CSMD1: variants seen among roughly 807,000 people sequenced by gnomAD.
CSMD1 encodes the protein CUB and sushi domain-containing protein 1.
Under a neutral mutation model 417.5 loss-of-function variants are expected in CSMD1, and 213 were observed. The ratio of observed to expected loss-of-function variants is 0.51; its 90% confidence interval spans 0.46 to 0.57. The LOEUF (loss-of-function observed/expected upper bound fraction) is 0.57, where lower values mean the gene tolerates loss of function less well. Ranked by LOEUF, CSMD1 falls within the 20% of genes least tolerant of loss-of-function variation. The pLI, the probability that CSMD1 is intolerant of heterozygous loss-of-function variation, is 0.00. For synonymous variants in CSMD1, 2,862 were observed against 1,736.8 expected (o/e 1.65, Z -16.11); for missense variants, 6,923 against 4,529.7 (o/e 1.53, Z -15.17).
At chr8:4,307,804 C>G (rs759891107) in intron 3 of CSMD1, among the ~76,000 whole-genome samples, 1 of 152,146 alleles carries the variant, frequency 6.6e-6, no homozygotes, top group African/African-American at 2.4e-5. Flanking sequence ...CTCTACACTA[C>G]AGTCTGAAAA....
intron 3 of CSMD1, among the ~76,000 whole-genome samples, chr8:4,153,640 G>A (rs1003708113): frequency 6.6e-6 from 1 of 152,168 alleles, no homozygotes; most frequent in Non-Finnish European, 1.5e-5. Context: ...TTGCAAGGCA[G>A]CTGACATCCT....
chr8:3,211,548 G>C (rs963751396), intron 30 of CSMD1, among the ~76,000 whole-genome samples: 1 of 152,206 alleles, frequency 6.6e-6, no homozygotes, highest in Non-Finnish European at 1.5e-5. Context: ...GTTACATACA[G>C]AATTAAGATT....
rs1020112484 is a variant in CSMD1 at position 4,367,640 on chromosome 8, A to G, written c.415+52313T>C. ...TTTGATATTAATATTGAATCTGTAAATTGCTTTGGGTGGTATGATGATTTT... is the reference window on the plus strand; with the variant it reads ...TTTGATATTAATATTGAATCTGTAAGTTGCTTTGGGTGGTATGATGATTTT... On this transcript the variant is annotated intron_variant, in intron 3 of 69. Transcript: ENST00000635120. 1.2e-4 allele frequency among the ~76,000 whole-genome samples: 18 copies of G among 152,040 alleles called. 1 individual carries two copies. Among genetic ancestry groups the G allele is most frequent in the Admixed American group, 1.2e-3 (18 of 15,248 alleles).
chr8:4,232,831 C>A lies in CSMD1; in HGVS notation c.415+187122G>T, dbSNP rs1700044. ...CTCGAAATCTAAAAGACAAACATTA[C>A]TTTATTTATTTATTTATATATTTAT... On this transcript the variant is annotated intron_variant, in intron 3 of 69. Transcript: ENST00000635120. Among the ~76,000 whole-genome samples, 13 of 152,260 alleles carry A rather than the reference C, an allele frequency of 8.5e-5. No individual in the cohort carries two copies. The East Asian group carries it at 2.5e-3, about 29-fold the overall frequency.
intron 2 of CSMD1, among the ~76,000 whole-genome samples, chr8:4,453,401 G>A (rs968470986): frequency 1.3e-5 from 2 of 152,194 alleles, no homozygotes; most frequent in Non-Finnish European, 2.9e-5. Context: ...GCTGAAGTCA[G>A]GAGATTCCCA....
chr8:3,415,358 T>C (rs117455014), intron 12 of CSMD1, among the ~76,000 whole-genome samples: 1,985 of 150,608 alleles, frequency 0.013, 46 homozygotes, highest in East Asian at 0.096. Context: ...CTTATTTACA[T>C]GTTGCATTTA....
chr8:4,435,985 TCA>T (rs1263500833), intron 2 of CSMD1, among the ~76,000 whole-genome samples: 11 of 152,184 alleles, frequency 7.2e-5, no homozygotes, highest in Non-Finnish European at 1.3e-4. Flanking sequence ...TACTTTTCTG[TCA>T]CAAACATATT....
At chr8:4,868,181 C>T (rs540534311) in intron 1 of CSMD1, among the ~76,000 whole-genome samples, 1 of 152,046 alleles carries the variant, frequency 6.6e-6, no homozygotes, top group Non-Finnish European at 1.5e-5. Context: ...TTTACATATG[C>T]AAACTGTTTA....
In CSMD1 at chr8:4,663,470, G is replaced by A. The variant is rs537302327; in HGVS notation, c.86-25912C>T. Among the ~76,000 whole-genome samples, 4 of 152,266 alleles carry A rather than the reference G, an allele frequency of 2.6e-5. No individual in the cohort carries two copies. In the East Asian group the frequency reaches 7.8e-4, roughly 30 times the overall value. ...ACCCTGAATATTGGAGGAGGGGCCT[G>A]GTGGGAGGTGATTGAATCATGGGCA... On this transcript the variant is annotated intron_variant, in intron 1 of 69. Transcript: ENST00000635120.
chr8:4,326,518 G>T (rs551104296), intron 3 of CSMD1, among the ~76,000 whole-genome samples: 1 of 152,182 alleles, frequency 6.6e-6, no homozygotes, highest in African/African-American at 2.4e-5. Flanking sequence ...TAAACGAGAG[G>T]TAGTGCATAA....
At chr8:4,934,893 A>G (rs1563807016) in intron 1 of CSMD1, among the ~76,000 whole-genome samples, 1 of 152,176 alleles carries the variant, frequency 6.6e-6, no homozygotes, top group African/African-American at 2.4e-5. Context: ...ATCTGTATCT[A>G]TCATCTACCT....
At chr8:3,799,129 T>G (rs1157649979) in intron 5 of CSMD1, among the ~76,000 whole-genome samples, 1 of 152,134 alleles carries the variant, frequency 6.6e-6, no homozygotes, top group Non-Finnish European at 1.5e-5. Context: ...AGTTTAATAG[T>G]TTTATTTAAC....
chr8:4,797,901 T>A (rs187125296), intron 1 of CSMD1, among the ~76,000 whole-genome samples: 3 of 152,206 alleles, frequency 2.0e-5, no homozygotes, highest in African/African-American at 7.2e-5. Flanking sequence ...ACTTATAAAA[T>A]TCCACAGAAG....
intron 5 of CSMD1, among the ~76,000 whole-genome samples, chr8:3,976,371 G>C (rs1202024236): frequency 6.6e-6 from 1 of 152,150 alleles, no homozygotes; most frequent in South Asian, 2.1e-4. Context: ...CGTTGATGAA[G>C]ATTCCTGAAC....
intron 1 of CSMD1, among the ~76,000 whole-genome samples, chr8:4,768,931 C>T (rs1479028713): frequency 6.6e-6 from 1 of 152,178 alleles, no homozygotes; most frequent in Non-Finnish European, 1.5e-5. Context: ...ATTGATTCCT[C>T]ACCATTTACC....
intron 8 of CSMD1, among the ~76,000 whole-genome samples, chr8:3,595,580 A>G (rs1469665221): frequency 6.6e-6 from 1 of 152,166 alleles, no homozygotes; most frequent in Admixed American, 6.5e-5. Context: ...TCCCTTAATG[A>G]CAATCAAAAT....
intron 1 of CSMD1, among the ~76,000 whole-genome samples, chr8:4,837,799 G>C (rs1462524067): frequency 6.6e-6 from 1 of 151,996 alleles, no homozygotes; most frequent in Non-Finnish European, 1.5e-5. Flanking sequence ...GGCTGGGATG[G>C]ATATATCGTT....
intron 2 of CSMD1, among the ~76,000 whole-genome samples, chr8:4,589,975 G>A (rs1216721369): frequency 6.6e-6 from 1 of 152,212 alleles, no homozygotes; most frequent in African/African-American, 2.4e-5. Context: ...GGCTAAGCAA[G>A]TGCTTAAGAT....
chr8:3,305,670 ACTTACTAAGTCTGTAAT>A (rs1804779732), intron 25 of CSMD1, among the ~76,000 whole-genome samples: 2 of 152,072 alleles, frequency 1.3e-5, no homozygotes, highest in Non-Finnish European at 2.9e-5. Context: ...AAACTTCTTA[ACTTACTAAGTCTGTAAT>A]ATTCTTTTTC....
Sources: gnomAD v4.1 joint callset for allele counts (sites outside exome capture counted in the v4.1 genomes callset) on GRCh38, gnomAD v4.1.1 for gene constraint, MANE v1.5 for transcripts, NCBI Gene and HGNC (gene_info 2026-07-23, HGNC 2026-07-21) for gene names.